ARHGEF3: variants seen among roughly 807,000 people sequenced by gnomAD.
ARHGEF3 encodes Rho guanine nucleotide exchange factor 3, also known as 59.8 kDA protein.
Under a neutral mutation model 63.2 loss-of-function variants are expected in ARHGEF3, and 28 were observed. That is an observed-to-expected ratio of 0.44 (90% CI 0.33 to 0.61). The LOEUF (loss-of-function observed/expected upper bound fraction) is 0.61. Among genes scored for constraint, ARHGEF3 ranks in the 20% least tolerant of loss-of-function variants. The pLI is 0.03. For synonymous variants in ARHGEF3, 266 were observed against 254.2 expected (o/e 1.05, Z -0.44); for missense variants, 533 against 659.3 (o/e 0.81, Z 2.10).
At chr3:56,798,387 G>T (rs2037472740) in intron 1 of ARHGEF3, among the ~76,000 whole-genome samples, 1 of 152,156 alleles carries the variant, frequency 6.6e-6, no homozygotes, top group Admixed American at 6.6e-5. Flanking sequence ...CAAGTTGTCA[G>T]ATATATTCTT....
At chr3:56,867,917 A>G (rs979110177) in intron 4 of ARHGEF3, among the ~76,000 whole-genome samples, 1 of 152,202 alleles carries the variant, frequency 6.6e-6, no homozygotes, top group African/African-American at 2.4e-5. Flanking sequence ...GGAGGAAGTG[A>G]TAATGGTGTG....
intron 1 of ARHGEF3, among the ~76,000 whole-genome samples, chr3:56,792,179 T>C (rs2037122087): frequency 6.6e-6 from 1 of 151,654 alleles, no homozygotes; most frequent in South Asian, 2.1e-4. Flanking sequence ...AAGGGTGGCA[T>C]TGCTCTAGAT....
chr3:56,936,173 G>T (rs1268993070), intron 3 of ARHGEF3, among the ~76,000 whole-genome samples: 1 of 152,138 alleles, frequency 6.6e-6, no homozygotes, highest in Non-Finnish European at 1.5e-5. Context: ...AGAGCGAGCT[G>T]CTGAAAGATC....
At chr3:57,046,813 C>A (rs999090290) in intron 1 of ARHGEF3, among the ~76,000 whole-genome samples, 1 of 152,148 alleles carries the variant, frequency 6.6e-6, no homozygotes, top group African/African-American at 2.4e-5. Flanking sequence ...GATTCACCAC[C>A]CCCAATCTCC....
intron 3 of ARHGEF3, among the ~76,000 whole-genome samples, chr3:56,937,519 T>C (rs1394001575): frequency 6.6e-6 from 1 of 152,166 alleles, no homozygotes; most frequent in East Asian, 1.9e-4. Context: ...ATGTTTGAAA[T>C]TTTTCATAAT....
At chr3:56,876,389 C>T (rs957906806) in intron 4 of ARHGEF3, among the ~76,000 whole-genome samples, 1 of 152,126 alleles carries the variant, frequency 6.6e-6, no homozygotes, top group African/African-American at 2.4e-5. Context: ...GAATACTGCT[C>T]GGCCTCAATG....
intron 1 of ARHGEF3, among the ~76,000 whole-genome samples, chr3:57,064,289 A>G (rs149998657): frequency 6.6e-6 from 1 of 151,488 alleles, no homozygotes; most frequent in Non-Finnish European, 1.5e-5. Context: ...AAAACCAAAA[A>G]CCAAGAAGGA....
chr3:56,833,580 T>G (rs946925452), intron 4 of ARHGEF3, among the ~76,000 whole-genome samples: 1 of 152,136 alleles, frequency 6.6e-6, no homozygotes, highest in Non-Finnish European at 1.5e-5. Flanking sequence ...ACACCACATT[T>G]TATTTATCTG....
In ARHGEF3 at chr3:56,729,461, C is replaced by A. The variant is rs746378514; in HGVS notation, c.1390G>T (p.Glu464Ter). Residue 464 changes from glutamate to a stop codon, truncating the protein, a stop_gained, in exon 10 of 10, where the codon GAG becomes TAG. Transcript: ENST00000296315. LOFTEE classifies it high-confidence loss of function. Reference sequence around the variant, plus strand: ...GTGGTGGGATTTAGGAACGATCCCTCGGAGTCAAGCACCCCAGCTTGCCCG... The same window carrying A: ...GTGGTGGGATTTAGGAACGATCCCTAGGAGTCAAGCACCCCAGCTTGCCCG... ...AAGQAGVLDSEGSFLNPTTGS... is the reference protein window; with the variant it reads ...AAGQAGVLDS 1 of 1,614,144 alleles carries A rather than the reference C, an allele frequency of 6.2e-7. No homozygotes were observed. Among genetic ancestry groups the A allele is most frequent in the Non-Finnish European group, 8.5e-7 (1 of 1,180,026 alleles).
At chr3:56,810,761 A>T (rs1218071118) in intron 4 of ARHGEF3, among the ~76,000 whole-genome samples, 1 of 152,230 alleles carries the variant, frequency 6.6e-6, no homozygotes, top group African/African-American at 2.4e-5. Flanking sequence ...GAAATTGACT[A>T]AGAAGCTTAT....
chr3:57,026,251 ATTAGC>A (rs909865631), intron 2 of ARHGEF3, among the ~76,000 whole-genome samples: 2 of 152,110 alleles, frequency 1.3e-5, no homozygotes, highest in African/African-American at 4.8e-5. Context: ...AAATTTTTAA[ATTAGC>A]CAGGTGTGGT....
chr3:56,790,661 G>A (rs1022860240), intron 1 of ARHGEF3, among the ~76,000 whole-genome samples: 2 of 152,152 alleles, frequency 1.3e-5, no homozygotes, highest in Non-Finnish European at 2.9e-5. Context: ...AAATGCCTGC[G>A]TGACTTGCGA....
chr3:56,873,703 C>G (rs777029086), intron 4 of ARHGEF3, among the ~76,000 whole-genome samples: 5 of 152,142 alleles, frequency 3.3e-5, no homozygotes, highest in Non-Finnish European at 7.3e-5. Flanking sequence ...AGCCACCTCA[C>G]CTGGCATGAA....
rs71076009 is a variant in ARHGEF3, at chr3:57,000,310, C to CCACACACACACA, written c.62+34766_62+34777dup. The stretch of plus-strand genomic sequence containing the variant: ...AAGTCCTTTTTTTAGAGGGTAACTC[C>CCACACACACACA]CACACACACACACACACACACACAC... On this transcript the variant is annotated intron_variant, in intron 2 of 12. Transcript: ENST00000338458. Among the ~76,000 whole-genome samples the CCACACACACACA allele has an allele frequency of 5.9e-3, 821 of 139,232 alleles. 2 individuals are homozygous for CCACACACACACA. The highest frequency in any genetic ancestry group is 7.6e-3 in the African/African-American group (278 of 36,382). The allele number at this position is 139,232 out of a possible 152,430, so 91.3% of individuals were successfully genotyped here.
chr3:57,002,479 T>TTATATATA (rs1159985048), intron 2 of ARHGEF3, among the ~76,000 whole-genome samples: 967 of 39,268 alleles, frequency 0.025, 42 homozygotes, highest in Admixed American at 0.049. Flanking sequence ...TATATATATG[T>TTATATATA]TATATATATA....
intron 2 of ARHGEF3, among the ~76,000 whole-genome samples, chr3:56,996,614 C>A (rs1230485546): frequency 2.0e-5 from 3 of 152,212 alleles, no homozygotes; most frequent in Non-Finnish European, 4.4e-5. Context: ...TGACCTTGGA[C>A]TTCTCAGCCT....
chr3:56,899,467 G>T (rs996723992), intron 3 of ARHGEF3, among the ~76,000 whole-genome samples: 29 of 152,116 alleles, frequency 1.9e-4, no homozygotes, highest in African/African-American at 6.3e-4. Flanking sequence ...GTACAAAGAG[G>T]CTCAGACAAT....
chr3:57,069,069 C>T (rs1160266477), intron 1 of ARHGEF3, among the ~76,000 whole-genome samples: 1 of 152,018 alleles, frequency 6.6e-6, no homozygotes, highest in Non-Finnish European at 1.5e-5. Flanking sequence ...ATTACAGGCA[C>T]TCACCACCAC....
At chr3:56,902,107 CT>C (rs1560035383) in intron 3 of ARHGEF3, among the ~76,000 whole-genome samples, 1 of 152,160 alleles carries the variant, frequency 6.6e-6, no homozygotes, top group Admixed American at 6.5e-5. Flanking sequence ...AAAAAGGATA[CT>C]TGTTTACAGT....
Sources: allele counts gnomAD v4.1 joint callset (sites outside exome capture counted in the v4.1 genomes callset), GRCh38; gene constraint gnomAD v4.1.1; transcripts MANE v1.5; gene names NCBI Gene and HGNC (gene_info 2026-07-23, HGNC 2026-07-21).